UBA5: variants seen among roughly 807,000 people sequenced by gnomAD.
The protein encoded by UBA5 is ubiquitin like modifier activating enzyme 5.
Under a neutral mutation model 52.9 loss-of-function variants are expected in UBA5, and 28 were observed. The observed-to-expected ratio is 0.53, with a 90% CI of 0.39 to 0.73. UBA5 has a LOEUF of 0.73. Among genes scored for constraint, UBA5 ranks in the 30% least tolerant of loss-of-function variants. UBA5 has a pLI of 0.00. For synonymous variants in UBA5, 135 were observed against 162.1 expected, an observed-to-expected ratio of 0.83 and a Z score of 1.27; for missense variants, 388 against 492.7, an observed-to-expected ratio of 0.79 and a Z score of 2.01.
At chr3:132,666,160 C>T in intron 3 of UBA5, 87 bp downstream of exon 3, 1 of 1,132,742 alleles carries the variant, frequency 8.8e-7, no homozygotes, top group Non-Finnish European at 1.3e-6. Flanking sequence ...TTTTCTTTAC[C>T]AGTGGCTTAT....
rs1049371633 is a variant in UBA5 at position 132,679,714 on chromosome 3, C to A, written c.*3188C>A. ...AAGCAGTTTTTCTAAGGTGATAAACCGAACACATTACTTGCTATGTATTAA... is the reference window on the plus strand; with the variant it reads ...AAGCAGTTTTTCTAAGGTGATAAACAGAACACATTACTTGCTATGTATTAA... On this transcript the variant is annotated 3_prime_UTR_variant, in exon 12 of 12. Transcript: ENST00000356232. 6.6e-6 allele frequency among the ~76,000 whole-genome samples: 1 copy of A among 152,112 alleles called. No individual in the cohort carries two copies. The highest frequency in any genetic ancestry group is 2.1e-4 in the South Asian group (1 of 4,814).
At position 132,662,128 on chromosome 3, in the gene UBA5, T is replaced by TAACA. The variant is rs201441191; in HGVS notation, c.161+1433_161+1436dup. On this transcript the variant is annotated intron_variant, in intron 1 of 11. Transcript: ENST00000356232. ...AGATGATCCCTTGACATTGTAATTA[T>TAACA]AACAAAACTTTCAGAACTCAAGTCT... Among the ~76,000 whole-genome samples the TAACA allele has an allele frequency of 1.2e-3, 184 of 152,344 alleles. 1 individual carries two copies. Among genetic ancestry groups the TAACA allele is most frequent in the African/African-American group, 3.8e-3 (158 of 41,594 alleles).
chr3:132,663,536 G>A (rs1207063717), intron 1 of UBA5, among the ~76,000 whole-genome samples: 7 of 152,074 alleles, frequency 4.6e-5, no homozygotes, highest in Admixed American at 4.6e-4. Context: ...CGTGGGGTTG[G>A]AACTCCAACT....
chr3:132,668,713 T>C lies in UBA5; in HGVS notation c.298-105T>C, dbSNP rs1448172165. Reference sequence around the variant, plus strand: ...GTGTTGTAGAGTTAGCTAATATTATTATCAAACTGCTAAACTAATTAAATG... The same window carrying C: ...GTGTTGTAGAGTTAGCTAATATTATCATCAAACTGCTAAACTAATTAAATG... On this transcript the variant is annotated intron_variant, in intron 3 of 11. Coordinates refer to ENST00000356232, the MANE Select transcript of UBA5 (RefSeq NM_024818.6). 6 of 692,438 alleles carry C rather than the reference T, an allele frequency of 8.7e-6. No homozygotes were observed. The African/African-American group carries it at 1.1e-4, about 12-fold the overall frequency. The allele number at this position is 692,438 out of a possible 1,614,324, so 42.9% of individuals were successfully genotyped here.
At chr3:132,659,902 T>A, upstream of UBA5, 3 of 908,728 alleles carry the variant, frequency 3.3e-6, no homozygotes, top group South Asian at 2.1e-5. Context: ...GCGCCGTTGC[T>A]GAGCAACGCT....
At chr3:132,655,447 T>C (rs918669686), upstream of UBA5, among the ~76,000 whole-genome samples, 1 of 152,218 alleles carries the variant, frequency 6.6e-6, no homozygotes, top group African/African-American at 2.4e-5. Context: ...TTGCCCTTGC[T>C]TACACTACTT....
intron 6 of UBA5, 28 bp downstream of exon 6, chr3:132,671,077 T>C: frequency 6.4e-7 from 1 of 1,570,820 alleles, no homozygotes; most frequent in South Asian, 1.1e-5. Flanking sequence ...GCAAGATATA[T>C]TCATGGATTT....
At position 132,677,684 on chromosome 3, in the gene UBA5, T is replaced by C. The variant is rs1402351045; in HGVS notation, c.*1158T>C. 6.6e-6 allele frequency: 1 copy of C among 152,202 alleles called. No individual in the cohort carries two copies. Among genetic ancestry groups the C allele is most frequent in the Non-Finnish European group, 1.5e-5 (1 of 67,996 alleles). The allele number at this position is 152,202 out of a possible 1,614,324, so 9.4% of individuals were successfully genotyped here. ...CCTATTTTGATTTTTACTTTGAAGA[T>C]AGGAATATCTAAATTATATCTCTAG... On this transcript the variant is annotated 3_prime_UTR_variant, in exon 12 of 12. Transcript: ENST00000356232.
Position 132,666,092 on chromosome 3 carries a change from G to A in UBA5, c.297+19G>A, listed in dbSNP as rs371148272. On this transcript the variant is annotated intron_variant, in intron 3 of 11. Coordinates refer to ENST00000356232, the MANE Select transcript of UBA5 (RefSeq NM_024818.6). ...TGGTAAGGTAAAAACATTTCTCTTTGCCTGTCATATAGGGAACTACTCACT... is the reference window on the plus strand; with the variant it reads ...TGGTAAGGTAAAAACATTTCTCTTTACCTGTCATATAGGGAACTACTCACT... 24 of 1,607,334 alleles carry A rather than the reference G, an allele frequency of 1.5e-5. No individual in the cohort carries two copies. The highest frequency in any genetic ancestry group is 2.0e-5 in the Non-Finnish European group (23 of 1,174,344).
At chr3:132,657,609 A>G (rs1023351632), upstream of UBA5, among the ~76,000 whole-genome samples, 2 of 152,220 alleles carry the variant, frequency 1.3e-5, no homozygotes, top group African/African-American at 4.8e-5. Flanking sequence ...TAAAAGTTTT[A>G]TCATTTCTCT....
intron 1 of UBA5, among the ~76,000 whole-genome samples, chr3:132,662,267 G>C (rs1019898965): frequency 3.3e-5 from 5 of 152,172 alleles, no homozygotes; most frequent in Non-Finnish European, 4.4e-5. Context: ...TTTTAATAAA[G>C]TTCAGCTTTA....
upstream of UBA5, chr3:132,660,302 T>G: frequency 1.7e-6 from 1 of 592,656 alleles, no homozygotes; most frequent in Non-Finnish European, 3.0e-6. This position sits in a 1 kb window ranked among gnomAD's most constrained non-coding sequence, Gnocchi z 4.1. Flanking sequence ...AGCCAGGTTT[T>G]TGATGAGGGG....
upstream of UBA5, chr3:132,659,495 G>A: frequency 1.3e-6 from 2 of 1,505,916 alleles, no homozygotes; most frequent in Non-Finnish European, 1.8e-6. Flanking sequence ...ACTGACTGCA[G>A]GAAAAGCAAT....
At chr3:132,673,620 T>C (rs889569326) in intron 8 of UBA5, among the ~76,000 whole-genome samples, 2 of 152,092 alleles carry the variant, frequency 1.3e-5, no homozygotes, top group Non-Finnish European at 2.9e-5. Context: ...AGTGTTGGGA[T>C]TACAGGCGTG....
At position 132,679,533 on chromosome 3, in the gene UBA5, AT is replaced by A. The variant is rs1372180521; in HGVS notation, c.*3010del. Among the ~76,000 whole-genome samples, 1 of 152,188 alleles carries A rather than the reference AT, an allele frequency of 6.6e-6. No individual in the cohort carries two copies. The highest frequency in any genetic ancestry group is 1.5e-5 in the Non-Finnish European group (1 of 68,022). ...TATCAAAATAGTTTATTATGTTTAA[AT>A]TTCATTCTTTTGGAATACATAATTT... On this transcript the variant is annotated 3_prime_UTR_variant, in exon 12 of 12. Transcript: ENST00000356232.
chr3:132,655,423 T>A (rs1157368060), upstream of UBA5, among the ~76,000 whole-genome samples: 1 of 152,220 alleles, frequency 6.6e-6, no homozygotes, highest in African/African-American at 2.4e-5. Context: ...CTTTATTGCC[T>A]GACAGGGTCC....
upstream of UBA5, chr3:132,659,831 C>G: frequency 1.3e-6 from 2 of 1,484,224 alleles, no homozygotes; most frequent in Non-Finnish European, 1.8e-6. Flanking sequence ...GCAACGTCCC[C>G]TCTAGAGCAT....
chr3:132,678,304 T>C lies in UBA5; in HGVS notation c.*1778T>C, dbSNP rs557951730. 3.3e-5 allele frequency among the ~76,000 whole-genome samples: 5 copies of C among 152,324 alleles called. No individual in the cohort carries two copies. The highest frequency in any genetic ancestry group is 1.2e-4 in the African/African-American group (5 of 41,586). On this transcript the variant is annotated 3_prime_UTR_variant, in exon 12 of 12. Transcript: ENST00000356232. ...TAGAATACTCTCTTGACAGTCTGTA[T>C]GCCATGAAAACTTGCATAAGAAGGC...
upstream of UBA5, chr3:132,659,508 G>T (rs897388672): frequency 6.4e-7 from 1 of 1,558,212 alleles, no homozygotes; most frequent in Non-Finnish European, 8.7e-7. Context: ...AAAGCAATCA[G>T]GGTGGGAGAA....
Sources: gnomAD v4.1 joint callset for allele counts (sites outside exome capture counted in the v4.1 genomes callset) on GRCh38, gnomAD v4.1.1 for gene constraint, Gnocchi (gnomAD v3.1) non-coding constraint, MANE v1.5 for transcripts, NCBI Gene and HGNC (gene_info 2026-07-23, HGNC 2026-07-21) for gene names.